The following KLHL28 variants were observed in gnomAD, a reference collection of about 807,000 sequenced individuals.
The protein encoded by KLHL28 is kelch like family member 28, also known as kelch-like protein 28.
Under a neutral mutation model 48.3 loss-of-function variants are expected in KLHL28, and 22 were observed. The observed-to-expected ratio is 0.46, with a 90% confidence interval of 0.33 to 0.65. KLHL28 has a LOEUF of 0.65. Ranked by LOEUF, KLHL28 falls within the 30% of genes least tolerant of loss-of-function variation. The pLI is 0.03. For synonymous variants in KLHL28, 243 were observed against 242.4 expected, an observed-to-expected ratio of 1.00 and a Z score of -0.02; for missense variants, 527 against 704.3, an observed-to-expected ratio of 0.75 and a Z score of 2.85.
intron 2 of KLHL28, among the ~76,000 whole-genome samples, chr14:44,942,207 A>T (rs560737381): frequency 6.6e-6 from 1 of 152,100 alleles, no homozygotes; most frequent in Non-Finnish European, 1.5e-5. Flanking sequence ...GTAATCATCT[A>T]ATCAAAAGAA....
chr14:44,945,729 T>C lies in KLHL28; in HGVS notation c.200A>G (p.Asn67Ser). 1 of 1,614,130 alleles carries C rather than the reference T, an allele frequency of 6.2e-7. No homozygotes were observed. Among genetic ancestry groups the C allele is most frequent in the Admixed American group, 1.7e-5 (1 of 59,998 alleles). Reference protein sequence around the residue: ...SPYFKAMFTGNLSEKENSEVE... With the variant: ...SPYFKAMFTGSLSEKENSEVE... Reference sequence around the variant, plus strand: ...CTCACTGTTCTCTTTTTCAGAAAGGTTTCCAGTGAACATAGCTTTGAAATA... The same window carrying C: ...CTCACTGTTCTCTTTTTCAGAAAGGCTTCCAGTGAACATAGCTTTGAAATA... The change falls in exon 2 of 5, where the codon AAC (asparagine) becomes AGC (serine). Residue 67 changes from asparagine to serine, a missense_variant. Transcript: ENST00000396128.
intron 3 of KLHL28, among the ~76,000 whole-genome samples, chr14:44,932,782 A>C (rs548582272): frequency 1.3e-5 from 2 of 152,208 alleles, no homozygotes; most frequent in Non-Finnish European, 2.9e-5. Context: ...TTTGGGCAGA[A>C]GCTTTTCAAA....
chr14:44,955,974 T>C (rs1291952050), intron 1 of KLHL28, among the ~76,000 whole-genome samples: 1 of 152,182 alleles, frequency 6.6e-6, no homozygotes, highest in Non-Finnish European at 1.5e-5. Context: ...GAGTTAATAA[T>C]GATACTTAAA....
At chr14:44,961,107 C>A (rs1885064673) in intron 1 of KLHL28, 2 of 425,848 alleles carry the variant, frequency 4.7e-6, no homozygotes, top group Non-Finnish European at 8.4e-6. Flanking sequence ...AGAAAATGCA[C>A]ACAAAATTCT....
intron 2 of KLHL28, among the ~76,000 whole-genome samples, chr14:44,936,101 TGGA>T (rs1883815813): frequency 6.6e-6 from 1 of 151,734 alleles, no homozygotes; most frequent in Admixed American, 6.6e-5. Context: ...TGATATATGA[TGGA>T]GTAGTCTGAC....
Position 44,945,810 on chromosome 14 carries a change from C to T in KLHL28, c.119G>A (p.Arg40Gln), listed in dbSNP as rs756410594. 20 of 1,614,124 alleles carry T rather than the reference C, an allele frequency of 1.2e-5. No homozygotes were observed. Among genetic ancestry groups the T allele is most frequent in the Admixed American group, 1.7e-5 (1 of 60,012 alleles). The change falls in exon 2 of 5, where the codon CGA (arginine) becomes CAA (glutamine). Residue 40 changes from arginine (R) to glutamine (Q), a missense_variant. By Grantham distance (43) the Arg-to-Gln change is conservative. Coordinates refer to ENST00000396128, the MANE Select transcript of KLHL28 (RefSeq NM_017658.5). ...QHHELCDIIL[R>Q]VGDVKIHAHK... ...AGCATGAATTTTAACATCACCTACT[C>T]GAAGAATGATGTCACAGAGTTCGTG... is the stretch of plus-strand genomic sequence containing the variant.
At chr14:44,952,502 A>C (rs948236781) in intron 1 of KLHL28, among the ~76,000 whole-genome samples, 24 of 152,168 alleles carry the variant, frequency 1.6e-4, no homozygotes, top group Non-Finnish European at 5.9e-5. Flanking sequence ...AAATTACTGA[A>C]AATTATTTTT....
intron 1 of KLHL28, among the ~76,000 whole-genome samples, chr14:44,947,388 G>T (rs1011675428): frequency 1.3e-5 from 2 of 152,168 alleles, no homozygotes; most frequent in Non-Finnish European, 2.9e-5. Context: ...CTCCAAAACT[G>T]TGAGAGAATA....
At position 44,930,293 on chromosome 14, in the gene KLHL28, GA is replaced by G. The variant is rs369064596; in HGVS notation, c.1552+1039del. Among the ~76,000 whole-genome samples the G allele has an allele frequency of 1.1e-4, 17 of 152,032 alleles. No homozygotes were observed. In the East Asian group the frequency reaches 3.3e-3, roughly 29 times the overall value. On this transcript the variant is annotated intron_variant, in intron 4 of 4. Transcript: ENST00000396128. ...TGAAATCCAAAGTGCTCCAACATTT[GA>G]AACTTTTTTTTTTGAGATGGAGTCT...
At chr14:44,950,436 T>C (rs1884529773) in intron 1 of KLHL28, among the ~76,000 whole-genome samples, 1 of 152,204 alleles carries the variant, frequency 6.6e-6, no homozygotes, top group Admixed American at 6.5e-5. Flanking sequence ...AGATCCTATA[T>C]TGTTAACCTA....
At chr14:44,954,239 C>T (rs1296159627) in intron 1 of KLHL28, among the ~76,000 whole-genome samples, 4 of 152,162 alleles carry the variant, frequency 2.6e-5, no homozygotes, top group Non-Finnish European at 5.9e-5. Context: ...AGCAAAATTA[C>T]ATTTGGATTT....
chr14:44,960,967 C>A (rs750900547), intron 1 of KLHL28: 1 of 1,319,822 alleles, frequency 7.6e-7, no homozygotes, highest in South Asian at 1.3e-5. Flanking sequence ...ACTTTTCGCA[C>A]GAGTCATTCA....
chr14:44,933,173 A>C (rs1290568049), intron 3 of KLHL28, among the ~76,000 whole-genome samples: 1 of 152,126 alleles, frequency 6.6e-6, no homozygotes, highest in Admixed American at 6.5e-5. Flanking sequence ...TTTTTGATCC[A>C]CAGTTGGATG....
At position 44,934,174 on chromosome 14, in the gene KLHL28, T is replaced by C. The variant is rs963753300; in HGVS notation, c.1284A>G (p.Ala428=). ...PMTTTRSCFA[A]AVLDGMIYAI... ...CATATATCATTCCATCCAATACCGC[T>C]GCAGCAAAACAACTTCTTGTTGTCG... Residue 428 remains alanine (A), a synonymous_variant, in exon 3 of 5, where the codon GCA becomes GCG. Coordinates refer to ENST00000396128, the MANE Select transcript of KLHL28 (RefSeq NM_017658.5). 2.5e-6 allele frequency: 4 copies of C among 1,614,090 alleles called. No individual in the cohort carries two copies. In the African/African-American group the frequency reaches 5.3e-5, roughly 22 times the overall value.
In KLHL28 at chr14:44,924,546, AAACT is replaced by A. The variant is rs1449767660; in HGVS notation, c.*4478_*4481del. ...GTAAAATACATATACAAAAACATTT[AAACT>A]AACATAATCCACAACTAGATCACAT... On this transcript the variant is annotated 3_prime_UTR_variant, in exon 5 of 5. Transcript: ENST00000396128. The A allele has an allele frequency of 2.6e-5, 4 of 152,784 alleles. No individual in the cohort carries two copies. Among genetic ancestry groups the A allele is most frequent in the Non-Finnish European group, 5.9e-5 (4 of 68,030 alleles). 9.5% of individuals were successfully genotyped at this position (152,784 alleles called of 1,614,324 possible). A position where few individuals can be genotyped will look rare whatever the true frequency, so the allele number is the denominator to read the frequency against.
At chr14:44,933,615 T>C (rs1412873154) in intron 3 of KLHL28, among the ~76,000 whole-genome samples, 1 of 152,120 alleles carries the variant, frequency 6.6e-6, no homozygotes, top group Non-Finnish European at 1.5e-5. Flanking sequence ...AATACAGATA[T>C]CACAAATTCA....
At chr14:44,942,210 C>A (rs1594574734) in intron 2 of KLHL28, among the ~76,000 whole-genome samples, 1 of 152,112 alleles carries the variant, frequency 6.6e-6, no homozygotes, top group Non-Finnish European at 1.5e-5. Flanking sequence ...ATCATCTAAT[C>A]AAAAGAACTC....
rs1006344148 is a variant in KLHL28 at position 44,927,039 on chromosome 14, T to G, written c.*1989A>C. The G allele has an allele frequency of 2.0e-5, 3 of 152,622 alleles. No homozygotes were observed. The highest frequency in any genetic ancestry group is 7.2e-5 in the African/African-American group (3 of 41,452). 9.5% of individuals were successfully genotyped at this position (152,622 alleles called of 1,614,324 possible). On this transcript the variant is annotated 3_prime_UTR_variant, in exon 5 of 5. Coordinates refer to ENST00000396128, the MANE Select transcript of KLHL28 (RefSeq NM_017658.5). The stretch of plus-strand genomic sequence containing the variant: ...TATGCAATAGATTTATTCAAATCAA[T>G]GAAAAAGTTATTGCTATATATTATT...
At chr14:44,934,872 T>C (rs1883742369) in intron 2 of KLHL28, among the ~76,000 whole-genome samples, 3 of 152,218 alleles carry the variant, frequency 2.0e-5, no homozygotes, top group Admixed American at 1.3e-4. Flanking sequence ...TCTACTCTTC[T>C]GAATGTCTAT....
Sources: allele counts gnomAD v4.1 joint callset (sites outside exome capture counted in the v4.1 genomes callset), GRCh38; gene constraint gnomAD v4.1.1; transcripts MANE v1.5; gene names NCBI Gene and HGNC (gene_info 2026-07-23, HGNC 2026-07-21).